Variants in LUZP2 observed in about 807,000 individuals in gnomAD.
LUZP2 encodes leucine zipper protein 2.
Under a neutral mutation model 51.6 loss-of-function variants are expected in LUZP2, and 52 were observed. That is an observed-to-expected ratio of 1.01 (90% CI 0.81 to 1.27). The LOEUF (loss-of-function observed/expected upper bound fraction) is 1.27, where lower values mean the gene tolerates loss of function less well. Ranked by LOEUF, LUZP2 falls within the 50% of genes most tolerant of loss-of-function variation. LUZP2 has a pLI of 0.00. For missense variants in LUZP2, 436 were observed against 395.4 expected, an observed-to-expected ratio of 1.10 and a Z score of -0.87; for synonymous variants, 154 against 137.3, an observed-to-expected ratio of 1.12 and a Z score of -0.85.
intron 1 of LUZP2, among the ~76,000 whole-genome samples, chr11:24,665,978 G>T (rs148241789): frequency 6.6e-6 from 1 of 152,114 alleles, no homozygotes; most frequent in African/African-American, 2.4e-5. Context: ...AATTTTTCAA[G>T]TTATTTTTAG....
At chr11:24,613,366 C>T (rs1854184707) in intron 1 of LUZP2, among the ~76,000 whole-genome samples, 1 of 152,052 alleles carries the variant, frequency 6.6e-6, no homozygotes, top group Non-Finnish European at 1.5e-5. Flanking sequence ...TTCTTTCTCT[C>T]TTTCTTTTCC....
At chr11:24,784,206 T>C (rs1164790906) in intron 5 of LUZP2, among the ~76,000 whole-genome samples, 1 of 152,014 alleles carries the variant, frequency 6.6e-6, no homozygotes, top group African/African-American at 2.4e-5. Flanking sequence ...ATCCCTTAAA[T>C]GAAAATAAAA....
intron 5 of LUZP2, among the ~76,000 whole-genome samples, chr11:24,896,472 C>T (rs1204429454): frequency 1.3e-5 from 2 of 152,300 alleles, no homozygotes; most frequent in South Asian, 4.1e-4. Context: ...TCCCCAGCAC[C>T]ACCGGCCCAC....
intron 5 of LUZP2, among the ~76,000 whole-genome samples, chr11:24,829,249 C>A (rs530235918): frequency 1.3e-4 from 19 of 149,172 alleles, no homozygotes; most frequent in African/African-American, 3.2e-4. Flanking sequence ...ATTAGCAAGA[C>A]CTTAACCAAA....
intron 5 of LUZP2, among the ~76,000 whole-genome samples, chr11:24,816,650 G>A (rs1219559855): frequency 6.6e-6 from 1 of 152,038 alleles, no homozygotes; most frequent in African/African-American, 2.4e-5. Context: ...TAAGCACCAT[G>A]TTAAATGTTT....
intron 7 of LUZP2, among the ~76,000 whole-genome samples, chr11:24,926,427 GTA>G (rs1191551460): frequency 4.4e-5 from 6 of 137,626 alleles, no homozygotes; most frequent in African/African-American, 8.1e-5. Context: ...ATATATGTGT[GTA>G]TATATATACG....
intron 1 of LUZP2, among the ~76,000 whole-genome samples, chr11:24,587,030 T>TGTAACACAA: frequency 1.3e-5 from 2 of 152,064 alleles, no homozygotes; most frequent in Non-Finnish European, 2.9e-5. Context: ...GCTAGGGAGA[T>TGTAACACAA]TTTCCTCTGA....
intron 5 of LUZP2, among the ~76,000 whole-genome samples, chr11:24,787,308 A>G (rs1164080379): frequency 1.3e-5 from 2 of 152,184 alleles, no homozygotes; most frequent in African/African-American, 4.8e-5. Context: ...TATAAGTTCA[A>G]AAATTTGGGG....
At chr11:24,998,418 G>C (rs1248059936) in intron 9 of LUZP2, among the ~76,000 whole-genome samples, 1 of 151,016 alleles carries the variant, frequency 6.6e-6, no homozygotes. Flanking sequence ...TTGGCTCTCT[G>C]TTTGTCTGTT....
intron 9 of LUZP2, 28 bp from the exon 10 acceptor site, chr11:25,050,010 C>T: frequency 2.2e-6 from 3 of 1,374,330 alleles, no homozygotes; most frequent in Non-Finnish European, 3.0e-6. Flanking sequence ...TGATTTCTTT[C>T]TTTCTATCTC....
chr11:25,027,769 G>A (rs1235666322), intron 9 of LUZP2, among the ~76,000 whole-genome samples: 1 of 151,776 alleles, frequency 6.6e-6, no homozygotes, highest in Non-Finnish European at 1.5e-5. Flanking sequence ...AACTCGGGAG[G>A]CTGAGGCAGA....
intron 9 of LUZP2, among the ~76,000 whole-genome samples, chr11:25,047,699 G>C (rs1344480400): frequency 5.3e-5 from 8 of 151,958 alleles, no homozygotes; most frequent in African/African-American, 9.7e-5. Flanking sequence ...CATTTTAATT[G>C]CTTCTGTATT....
chr11:24,524,301 T>A (rs1850728637), intron 1 of LUZP2, among the ~76,000 whole-genome samples: 2 of 151,878 alleles, frequency 1.3e-5, no homozygotes, highest in African/African-American at 4.8e-5. Flanking sequence ...GGTGGTAAAA[T>A]GTGACTAAGG....
chr11:24,690,478 A>G (rs1590352115), intron 1 of LUZP2, among the ~76,000 whole-genome samples: 2 of 152,256 alleles, frequency 1.3e-5, no homozygotes, highest in East Asian at 3.9e-4. Flanking sequence ...TATCCTATCA[A>G]TGTGTTCACA....
At chr11:24,693,951 C>T (rs1468189028) in intron 1 of LUZP2, among the ~76,000 whole-genome samples, 2 of 151,764 alleles carry the variant, frequency 1.3e-5, no homozygotes, top group African/African-American at 4.8e-5. Flanking sequence ...AATAATAACC[C>T]AAATATATTT....
At chr11:24,622,084 G>T (rs1276887742) in intron 1 of LUZP2, among the ~76,000 whole-genome samples, 1 of 151,814 alleles carries the variant, frequency 6.6e-6, no homozygotes, top group Non-Finnish European at 1.5e-5. Context: ...GGGACTACAG[G>T]CATGTGCCAC....
intron 4 of LUZP2, among the ~76,000 whole-genome samples, chr11:24,747,030 A>G (rs763528968): frequency 1.3e-5 from 2 of 152,036 alleles, no homozygotes; most frequent in Admixed American, 6.6e-5. Context: ...TTAATAACTA[A>G]CCGCCTGAAT....
At chr11:24,910,793 T>C (rs1401756404) in intron 6 of LUZP2, among the ~76,000 whole-genome samples, 1 of 152,112 alleles carries the variant, frequency 6.6e-6, no homozygotes, top group African/African-American at 2.4e-5. Context: ...ACCGCATCAC[T>C]GCCTAGTGGA....
At chr11:24,696,008 G>T (rs1857236953) in intron 1 of LUZP2, among the ~76,000 whole-genome samples, 1 of 152,028 alleles carries the variant, frequency 6.6e-6, no homozygotes, top group Non-Finnish European at 1.5e-5. Context: ...TATATGTGTG[G>T]GTTCAACAGA....
Sources: gnomAD v4.1 joint callset for allele counts (sites outside exome capture counted in the v4.1 genomes callset) on GRCh38, gnomAD v4.1.1 for gene constraint, MANE v1.5 for transcripts, NCBI Gene and HGNC (gene_info 2026-07-23, HGNC 2026-07-21) for gene names.